SLC37A2: variants seen among roughly 807,000 people sequenced by gnomAD.
SLC37A2 encodes solute carrier family 37 member 2.
SLC37A2 carries 59 observed loss-of-function variants against 70.7 expected under a neutral mutation model. The observed-to-expected ratio is 0.83, with a 90% confidence interval of 0.68 to 1.04. The LOEUF is 1.04. Among genes scored for constraint, SLC37A2 ranks in the 50% least tolerant of loss-of-function variants. The probability of loss-of-function intolerance (pLI) is 0.00; values close to 1 mark genes in which losing one functional copy is unlikely to be tolerated. For missense variants in SLC37A2, 580 were observed against 658.1 expected (o/e 0.88, Z 1.30); for synonymous variants, 257 against 262.1 (o/e 0.98, Z 0.19).
chr11:125,084,366 C>T, intron 12 of SLC37A2, 47 bp downstream of exon 12: 1 of 1,586,588 alleles, frequency 6.3e-7, no homozygotes, highest in Non-Finnish European at 8.7e-7. Flanking sequence ...TGAGCAGGAG[C>T]CTGTGTGGGC....
intron 1 of SLC37A2, among the ~76,000 whole-genome samples, chr11:125,076,019 C>T (rs1245451562): frequency 6.6e-6 from 1 of 152,028 alleles, no homozygotes; most frequent in African/African-American, 2.4e-5. Flanking sequence ...GGCCCTTCCC[C>T]AGGCCTCAGG....
intron 1 of SLC37A2, among the ~76,000 whole-genome samples, chr11:125,065,588 C>T (rs1276458337): frequency 6.6e-6 from 1 of 152,114 alleles, no homozygotes; most frequent in Non-Finnish European, 1.5e-5. Context: ...CCTGGAAACC[C>T]AGTAAGCCCA....
chr11:125,081,441 G>A lies in SLC37A2; in HGVS notation c.715G>A (p.Ala239Thr), dbSNP rs777281104. 2.6e-5 allele frequency: 42 copies of A among 1,608,460 alleles called. No homozygotes were observed. Among genetic ancestry groups the A allele is most frequent in the East Asian group, 4.5e-5 (2 of 44,570 alleles). Residue 239 changes from alanine (A) to threonine (T), a missense_variant, in exon 8 of 18, where the codon GCC (alanine) becomes ACC (threonine). Physicochemically the swap from Ala to Thr is moderately conservative, Grantham distance 58 (BLOSUM62 0). Transcript: ENST00000403796. Reference sequence around the variant, plus strand: ...TCTAGACCCAGAAGATGTGGACTGCGCCCCTCCTCAGCACCACGTGAGTGT... The same window carrying A: ...TCTAGACCCAGAAGATGTGGACTGCACCCCTCCTCAGCACCACGTGAGTGT... ...LIEHPEDVDC[A>T]PPQHHGEPAE... is the part of the protein sequence containing the mutation.
At chr11:125,085,695 A>G (rs1565400675) in intron 16 of SLC37A2, 21 bp downstream of exon 16, 1 of 1,607,710 alleles carries the variant, frequency 6.2e-7, no homozygotes, top group Non-Finnish European at 8.5e-7. Context: ...TGGGGTACAC[A>G]GATAGGTATT....
At position 125,090,396 on chromosome 11, in the gene SLC37A2, T is replaced by A. The variant is rs913127503; in HGVS notation, c.*2262T>A. 7 of 152,234 alleles carry A rather than the reference T, an allele frequency of 4.6e-5. No individual in the cohort carries two copies. The highest frequency in any genetic ancestry group is 1.7e-4 in the African/African-American group (7 of 41,446). 9.4% of individuals were successfully genotyped at this position (152,234 alleles called of 1,614,324 possible). On this transcript the variant is annotated 3_prime_UTR_variant, in exon 18 of 18. Coordinates refer to ENST00000403796, the MANE Select transcript of SLC37A2 (RefSeq NM_001145290.2). ...CACTCGGCTCTACCAATAAGCAGGA[T>A]GTGGGTGGGGCCAGATAAGAGAATA... is the stretch of plus-strand genomic sequence containing the variant.
At chr11:125,068,988 A>T (rs918243085) in intron 1 of SLC37A2, among the ~76,000 whole-genome samples, 10 of 152,166 alleles carry the variant, frequency 6.6e-5, no homozygotes, top group African/African-American at 2.4e-4. Flanking sequence ...TCCTCTGTAA[A>T]ATGAGGATAA....
chr11:125,081,621 A>G (rs80234991), intron 8 of SLC37A2, 133 bp from the exon 9 acceptor site: 74,178 of 1,386,076 alleles, frequency 0.054, 2,290 homozygotes, highest in South Asian at 0.097. Flanking sequence ...TGAGTCTGGC[A>G]GGTCAGTCCA....
intron 16 of SLC37A2, 107 bp from the exon 17 acceptor site, chr11:125,085,847 G>C (rs1949207539): frequency 9.4e-6 from 12 of 1,278,150 alleles, no homozygotes; most frequent in Middle Eastern, 1.9e-4. Context: ...GTGGCAGCGT[G>C]TCTCTCCCCC....
intron 1 of SLC37A2, among the ~76,000 whole-genome samples, chr11:125,066,808 A>G (rs1591625746): frequency 6.6e-6 from 1 of 152,202 alleles, no homozygotes; most frequent in South Asian, 2.1e-4. Flanking sequence ...TGCCAAGAAT[A>G]TCAACTAAAG....
At chr11:125,086,590 A>G (rs991144572) in intron 17 of SLC37A2, 15 of 359,844 alleles carry the variant, frequency 4.2e-5, no homozygotes, top group Non-Finnish European at 7.4e-5. Flanking sequence ...AACCAAGGTC[A>G]TCTGGCCCCT....
intron 1 of SLC37A2, among the ~76,000 whole-genome samples, chr11:125,073,211 T>G (rs1949047783): frequency 6.6e-6 from 1 of 152,118 alleles, no homozygotes; most frequent in Admixed American, 6.5e-5. Flanking sequence ...CGGGAGCAGG[T>G]GGGAGGGCCC....
At chr11:125,069,887 G>A (rs775745176) in intron 1 of SLC37A2, among the ~76,000 whole-genome samples, 4 of 152,252 alleles carry the variant, frequency 2.6e-5, no homozygotes, top group Non-Finnish European at 5.9e-5. Flanking sequence ...TGTCCATGGC[G>A]TTTCAGAGCC....
intron 1 of SLC37A2, among the ~76,000 whole-genome samples, chr11:125,065,899 A>G (rs1405990603): frequency 6.6e-6 from 1 of 152,230 alleles, no homozygotes; most frequent in African/African-American, 2.4e-5. Flanking sequence ...TGAAAGCAGA[A>G]TCTACTAAGT....
chr11:125,063,614 A>G lies in SLC37A2; in HGVS notation c.59+188A>G, dbSNP rs905690086. On this transcript the variant is annotated intron_variant, in intron 1 of 17. Transcript: ENST00000403796. This position sits in a 1 kb window ranked among gnomAD's most constrained non-coding sequence, Gnocchi z 5.4. The stretch of plus-strand genomic sequence containing the variant: ...CGGAGGTTGATAACCCTCCCTGCCC[A>G]ACTCCGCCCGCGCTCCCCCAGACCC... 1.1e-4 allele frequency among the ~76,000 whole-genome samples: 16 copies of G among 151,496 alleles called. No homozygotes were observed. Among genetic ancestry groups the G allele is most frequent in the African/African-American group, 3.4e-4 (14 of 40,834 alleles).
intron 4 of SLC37A2, among the ~76,000 whole-genome samples, 176 bp downstream of exon 4, chr11:125,077,704 C>A (rs915379482): frequency 6.6e-6 from 1 of 152,238 alleles, no homozygotes; most frequent in African/African-American, 2.4e-5. Context: ...GCCTGGTAGA[C>A]TCCCACTGGT....
intron 1 of SLC37A2, among the ~76,000 whole-genome samples, chr11:125,075,622 G>A (rs561023351): frequency 3.9e-5 from 6 of 152,368 alleles, no homozygotes; most frequent in East Asian, 1.9e-4. Context: ...CAGGAAGCTC[G>A]ATCCAGGGGC....
At chr11:125,074,808 G>A (rs1949066236) in intron 1 of SLC37A2, among the ~76,000 whole-genome samples, 1 of 152,222 alleles carries the variant, frequency 6.6e-6, no homozygotes, top group Non-Finnish European at 1.5e-5. Context: ...CATAGCTGGG[G>A]CCCCAGTGGG....
At chr11:125,078,998 A>AT in intron 4 of SLC37A2, 114 bp from the exon 5 acceptor site, 3 of 1,365,162 alleles carry the variant, frequency 2.2e-6, no homozygotes, top group Non-Finnish European at 3.1e-6. Context: ...CACAGAAGTC[A>AT]TTGGTGGGAC....
intron 1 of SLC37A2, among the ~76,000 whole-genome samples, chr11:125,066,573 A>G (rs943611503): frequency 6.6e-6 from 1 of 152,256 alleles, no homozygotes. Flanking sequence ...ATGAGAATTC[A>G]TGACAAGAAT....
Sources: gnomAD v4.1 joint callset for allele counts (sites outside exome capture counted in the v4.1 genomes callset) on GRCh38, gnomAD v4.1.1 for gene constraint, Gnocchi (gnomAD v3.1) non-coding constraint, MANE v1.5 for transcripts, NCBI Gene and HGNC (gene_info 2026-07-23, HGNC 2026-07-21) for gene names.